PAPPA: variants seen among roughly 807,000 people sequenced by gnomAD.
The protein encoded by PAPPA is pappalysin-1.
Under a neutral mutation model 164.0 loss-of-function variants are expected in PAPPA, and 60 were observed. The ratio of observed to expected loss-of-function variants is 0.37; its 90% CI spans 0.30 to 0.45. PAPPA has a LOEUF of 0.45. Among genes scored for constraint, PAPPA ranks in the 20% least tolerant of loss-of-function variants. PAPPA has a pLI of 1.00. For missense variants in PAPPA, 1,782 were observed against 2,087.3 expected (o/e 0.85, Z 2.85); for synonymous variants, 875 against 814.1 (o/e 1.07, Z -1.27).
In PAPPA at chr9:116,207,440, T is replaced by C. The variant is rs758765233; in HGVS notation, c.1479-16T>C. The C allele has an allele frequency of 1.9e-6, 3 of 1,599,388 alleles. 1 individual carries two copies. In the South Asian group the frequency reaches 3.4e-5, roughly 18 times the overall value. On this transcript the variant is annotated splice_polypyrimidine_tract_variant and intron_variant, in intron 2 of 21. Coordinates refer to ENST00000328252, the MANE Select transcript of PAPPA (RefSeq NM_002581.5). ...TTGGGGGCATGATAACAGCCAAGGT[T>C]CTTTTTCTGTTTCAGAGCCTACTTG... is the stretch of plus-strand genomic sequence containing the variant.
At position 116,187,959 on chromosome 9, in the gene PAPPA, C is replaced by T; in HGVS notation, c.1221C>T (p.Arg407=). ...VLEVSNSSLR[R]RLILANCDIS... ...AGGTGAGCAACTCCTCCCTTCGCCG[C>T]CGCCTCATCCTGGCCAACTGTGACA... Residue 407 remains arginine (R), a synonymous_variant, in exon 2 of 22, where the codon CGC becomes CGT. Transcript: ENST00000328252. The surrounding 1 kb of genome is among the most constrained non-coding windows in gnomAD (Gnocchi z 4.2). 1 of 1,614,210 alleles carries T rather than the reference C, an allele frequency of 6.2e-7. No homozygotes were observed. The highest frequency in any genetic ancestry group is 8.5e-7 in the Non-Finnish European group (1 of 1,180,050).
At chr9:116,296,123 C>A (rs1461155020) in intron 9 of PAPPA, among the ~76,000 whole-genome samples, 1 of 152,276 alleles carries the variant, frequency 6.6e-6, no homozygotes, top group Admixed American at 6.5e-5. Flanking sequence ...GTTTGAGAAG[C>A]AATCCCTTGG....
chr9:116,185,006 T>C (rs1843952828), intron 1 of PAPPA, among the ~76,000 whole-genome samples: 1 of 152,118 alleles, frequency 6.6e-6, no homozygotes, highest in South Asian at 2.1e-4. Context: ...ACATGTCAAG[T>C]TTCCTAAAAG....
intron 3 of PAPPA, among the ~76,000 whole-genome samples, chr9:116,207,991 G>A (rs1844257728): frequency 6.6e-6 from 1 of 152,116 alleles, no homozygotes. Flanking sequence ...TCTCAGTCTG[G>A]TAACCACACT....
chr9:116,328,714 A>G (rs1271234565), intron 10 of PAPPA, among the ~76,000 whole-genome samples: 1 of 152,198 alleles, frequency 6.6e-6, no homozygotes, highest in Non-Finnish European at 1.5e-5. Context: ...TTGAAATAGT[A>G]GAGTGGAAAC....
At chr9:116,385,234 AAAAT>A (rs142801371) in intron 21 of PAPPA, among the ~76,000 whole-genome samples, 7,544 of 139,396 alleles carry the variant, frequency 0.054, 231 homozygotes, top group Middle Eastern at 0.062. Context: ...ACTCCATCTC[AAAAT>A]AAATAAATAA....
chr9:116,237,626 T>C (rs1844684036), intron 7 of PAPPA, among the ~76,000 whole-genome samples: 1 of 152,154 alleles, frequency 6.6e-6, no homozygotes, highest in African/African-American at 2.4e-5. Flanking sequence ...ACTAACTGGC[T>C]CTACCCTCTT....
intron 19 of PAPPA, among the ~76,000 whole-genome samples, chr9:116,376,784 G>A (rs1302509490): frequency 1.3e-5 from 2 of 152,154 alleles, no homozygotes; most frequent in African/African-American, 4.8e-5. Flanking sequence ...ATGGGGAAGG[G>A]CATTCAGGGA....
intron 6 of PAPPA, among the ~76,000 whole-genome samples, chr9:116,234,250 G>A (rs531964735): frequency 6.6e-6 from 1 of 152,326 alleles, no homozygotes; most frequent in Admixed American, 6.5e-5. Context: ...GCTGAGATCA[G>A]TGGGGATGAG....
intron 6 of PAPPA, among the ~76,000 whole-genome samples, chr9:116,228,380 C>T (rs550135847): frequency 6.6e-6 from 1 of 152,254 alleles, no homozygotes; most frequent in African/African-American, 2.4e-5. Context: ...CTCATGCCAG[C>T]AGTCACTGGG....
intron 7 of PAPPA, among the ~76,000 whole-genome samples, chr9:116,256,519 G>A (rs1295140782): frequency 6.6e-6 from 1 of 151,744 alleles, no homozygotes; most frequent in African/African-American, 2.4e-5. Flanking sequence ...AAAGGTTAAA[G>A]GTAAAGGTGG....
chr9:116,346,517 C>T (rs990142984), intron 14 of PAPPA, among the ~76,000 whole-genome samples: 2 of 152,126 alleles, frequency 1.3e-5, no homozygotes, highest in Non-Finnish European at 2.9e-5. Context: ...TCTCCTATAG[C>T]CATGGAGAGT....
chr9:116,278,558 T>A (rs1845229275), intron 9 of PAPPA, among the ~76,000 whole-genome samples: 1 of 152,226 alleles, frequency 6.6e-6, no homozygotes, highest in South Asian at 2.1e-4. Flanking sequence ...AAATGTTCCA[T>A]GGCATAAAGC....
chr9:116,254,610 A>G lies in PAPPA; in HGVS notation c.2733-11247A>G, dbSNP rs376818412. Among the ~76,000 whole-genome samples, 82 of 151,960 alleles carry G rather than the reference A, an allele frequency of 5.4e-4. 1 individual carries two copies. The highest frequency in any genetic ancestry group is 3.4e-3 in the Middle Eastern group (1 of 294). On this transcript the variant is annotated intron_variant, in intron 7 of 21. Coordinates refer to ENST00000328252, the MANE Select transcript of PAPPA (RefSeq NM_002581.5). ...ATCCCGGCTAATACGGTGAAACCCC[A>G]TCTCTACTAAAAATACAAAAAATTA...
At chr9:116,389,561 T>C (rs2118722578) in intron 21 of PAPPA, among the ~76,000 whole-genome samples, 1 of 152,278 alleles carries the variant, frequency 6.6e-6, no homozygotes, top group Admixed American at 6.5e-5. Context: ...ATGCCTTTTC[T>C]TATTCACCTC....
intron 20 of PAPPA, 95 bp downstream of exon 20, chr9:116,377,742 C>A (rs1332474121): frequency 2.3e-6 from 2 of 888,666 alleles, no homozygotes; most frequent in Admixed American, 4.0e-5. Context: ...CTTTGCCATA[C>A]CTACTGAGTG....
intron 1 of PAPPA, among the ~76,000 whole-genome samples, chr9:116,176,928 T>C (rs1843842830): frequency 6.6e-6 from 1 of 151,224 alleles, no homozygotes; most frequent in Non-Finnish European, 1.5e-5. Flanking sequence ...TATTAATGGC[T>C]ATTAATGTCT....
At chr9:116,251,054 C>A (rs1844854483) in intron 7 of PAPPA, among the ~76,000 whole-genome samples, 1 of 152,136 alleles carries the variant, frequency 6.6e-6, no homozygotes, top group Non-Finnish European at 1.5e-5. Flanking sequence ...TGTGACCCTC[C>A]AAGAGTCTTA....
chr9:116,250,988 G>A lies in PAPPA; in HGVS notation c.2733-14869G>A, dbSNP rs138077618. Among the ~76,000 whole-genome samples the A allele has an allele frequency of 9.0e-4, 137 of 152,252 alleles. No homozygotes were observed. The East Asian group carries it at 0.014, about 15-fold the overall frequency. On this transcript the variant is annotated intron_variant, in intron 7 of 21. Coordinates refer to ENST00000328252, the MANE Select transcript of PAPPA (RefSeq NM_002581.5). ...TAGTAACGTCATGGCAGCTGGTGCC[G>A]GTGATGGGGTTGGTATAGGAAATGA...
Sources: allele counts gnomAD v4.1 joint callset (sites outside exome capture counted in the v4.1 genomes callset), GRCh38; gene constraint gnomAD v4.1.1; non-coding constraint Gnocchi (gnomAD v3.1); transcripts MANE v1.5; gene names NCBI Gene and HGNC (gene_info 2026-07-23, HGNC 2026-07-21).